ENPP2: variants seen among roughly 807,000 people sequenced by gnomAD.
The protein encoded by ENPP2 is autotaxin.
In ENPP2, 51 loss-of-function variants were observed where a neutral mutation model predicts 120.2. The observed-to-expected ratio is 0.42, with a 90% CI of 0.34 to 0.54. The LOEUF (loss-of-function observed/expected upper bound fraction) is 0.54. ENPP2 is among the 20% of genes least tolerant of loss of function. The pLI, the probability that ENPP2 is intolerant of heterozygous loss-of-function variation, is 0.04. For synonymous variants in ENPP2, 365 were observed against 366.4 expected, an observed-to-expected ratio of 1.00 and a Z score of 0.04; for missense variants, 920 against 1,066.5, an observed-to-expected ratio of 0.86 and a Z score of 1.91.
intron 10 of ENPP2, among the ~76,000 whole-genome samples, 178 bp downstream of exon 10, chr8:119,601,219 G>A (rs1298522569): frequency 6.6e-6 from 1 of 152,162 alleles, no homozygotes; most frequent in Admixed American, 6.5e-5. Flanking sequence ...GTAATTAAAT[G>A]GTCCCAATAA....
intron 3 of ENPP2, among the ~76,000 whole-genome samples, chr8:119,625,099 G>A (rs984412664): frequency 1.3e-5 from 2 of 152,132 alleles, no homozygotes; most frequent in Non-Finnish European, 2.9e-5. Flanking sequence ...CCAGAAGTTT[G>A]ATATGACATG....
intron 9 of ENPP2, among the ~76,000 whole-genome samples, chr8:119,603,865 G>A (rs1814492352): frequency 6.6e-6 from 1 of 152,112 alleles, no homozygotes; most frequent in Admixed American, 6.5e-5. Context: ...ATAAGCAAGT[G>A]ATAATTCTTT....
chr8:119,638,580 A>G, intron 1 of ENPP2, 53 bp from the exon 2 acceptor site: 1 of 1,158,524 alleles, frequency 8.6e-7, no homozygotes, highest in Non-Finnish European at 1.3e-6. Flanking sequence ...AGACTAAATC[A>G]AATTACACAA....
intron 1 of ENPP2, among the ~76,000 whole-genome samples, chr8:119,665,091 C>A (rs1818031578): frequency 6.6e-6 from 1 of 152,112 alleles, no homozygotes; most frequent in Non-Finnish European, 1.5e-5. Flanking sequence ...AGACATCAGT[C>A]ATATTGGGTT....
intron 3 of ENPP2, 97 bp from the exon 4 acceptor site, chr8:119,621,616 T>C: frequency 7.6e-7 from 1 of 1,316,854 alleles, no homozygotes; most frequent in Non-Finnish European, 1.1e-6. Flanking sequence ...AAAGCTAAAA[T>C]CTCACATCAT....
At chr8:119,579,248 C>T (rs561301992) in intron 19 of ENPP2, among the ~76,000 whole-genome samples, 2 of 152,256 alleles carry the variant, frequency 1.3e-5, no homozygotes, top group Admixed American at 6.5e-5. Flanking sequence ...CTGCCTCCAC[C>T]CATTGCCATA....
chr8:119,573,864 G>A (rs1446807153), intron 19 of ENPP2, among the ~76,000 whole-genome samples: 1 of 152,178 alleles, frequency 6.6e-6, no homozygotes, highest in South Asian at 2.1e-4. Context: ...CCAAGCTATT[G>A]TCATAACTGC....
intron 21 of ENPP2, among the ~76,000 whole-genome samples, chr8:119,568,563 A>G (rs1208157347): frequency 1.3e-5 from 2 of 152,156 alleles, no homozygotes; most frequent in Non-Finnish European, 2.9e-5. Flanking sequence ...TTAGACTTAA[A>G]AAAAAATCAT....
chr8:119,640,581 G>GA (rs934036897), upstream of ENPP2, among the ~76,000 whole-genome samples: 16 of 152,220 alleles, frequency 1.1e-4, no homozygotes, highest in South Asian at 4.2e-4. Context: ...GGTTCCCTTG[G>GA]AAAAAAAGTT....
At chr8:119,649,930 C>T (rs1400306451) in intron 1 of ENPP2, among the ~76,000 whole-genome samples, 1 of 152,114 alleles carries the variant, frequency 6.6e-6, no homozygotes, top group Admixed American at 6.5e-5. Context: ...GAAACATGAA[C>T]TGTAAAATGA....
intron 20 of ENPP2, 88 bp from the exon 21 acceptor site, chr8:119,569,458 T>C (rs539605533): frequency 8.1e-7 from 1 of 1,235,884 alleles, no homozygotes; most frequent in South Asian, 1.4e-5. Flanking sequence ...CCTATGCTTG[T>C]ATTCTGATTG....
At chr8:119,570,606 A>C in intron 20 of ENPP2, 99 bp downstream of exon 20, 1 of 652,976 alleles carries the variant, frequency 1.5e-6, no homozygotes, top group Non-Finnish European at 2.5e-6. Context: ...GAAAAAATAA[A>C]ATATTTTCTA....
intron 2 of ENPP2, among the ~76,000 whole-genome samples, chr8:119,637,965 A>G (rs930736787): frequency 2.0e-5 from 3 of 152,236 alleles, no homozygotes; most frequent in Admixed American, 1.3e-4. Context: ...AGTAAATCTT[A>G]AAGTCCTAAA....
chr8:119,669,686 G>C (rs887396628), intron 1 of ENPP2, among the ~76,000 whole-genome samples: 1 of 152,184 alleles, frequency 6.6e-6, no homozygotes, highest in African/African-American at 2.4e-5. Flanking sequence ...GAGTTGACTT[G>C]TCATGAACCC....
intron 2 of ENPP2, 97 bp from the exon 3 acceptor site, chr8:119,626,817 G>A: frequency 9.2e-7 from 1 of 1,087,790 alleles, no homozygotes; most frequent in Non-Finnish European, 1.4e-6. Context: ...TGCTGCAGTG[G>A]ACTCTGGAGG....
intron 4 of ENPP2, 133 bp from the exon 5 acceptor site, chr8:119,619,437 G>GA (rs1294395025): frequency 8.8e-4 from 517 of 589,806 alleles, no homozygotes; most frequent in Non-Finnish European, 1.1e-3. Context: ...AAAAAATTCT[G>GA]AAAAAAAAAT....
intron 8 of ENPP2, among the ~76,000 whole-genome samples, chr8:119,613,915 T>C (rs1171364979): frequency 6.6e-6 from 1 of 152,152 alleles, no homozygotes; most frequent in Non-Finnish European, 1.5e-5. Flanking sequence ...ATACACTACA[T>C]TGTTATTTGC....
chr8:119,637,292 C>T (rs1352992332), intron 2 of ENPP2, among the ~76,000 whole-genome samples: 1 of 152,134 alleles, frequency 6.6e-6, no homozygotes, highest in East Asian at 1.9e-4. Context: ...CTCATTTTGT[C>T]CATTTGGCTC....
chr8:119,585,927 GACACACACACACACAC>G (rs34249912), intron 15 of ENPP2, among the ~76,000 whole-genome samples: 4 of 146,224 alleles, frequency 2.7e-5, no homozygotes, highest in Admixed American at 2.0e-4. Context: ...GGATGAAAGA[GACACACACACACACAC>G]ACACACACAC....
Sources: allele counts gnomAD v4.1 joint callset (sites outside exome capture counted in the v4.1 genomes callset), GRCh38; gene constraint gnomAD v4.1.1; transcripts MANE v1.5; gene names NCBI Gene and HGNC (gene_info 2026-07-23, HGNC 2026-07-21).